The following FBXO17 variants were observed in gnomAD, a reference collection of about 807,000 sequenced individuals.
FBXO17 encodes the protein F-box only protein 17.
FBXO17 carries 43 observed loss-of-function variants against 34.1 expected under a neutral mutation model. The ratio of observed to expected loss-of-function variants is 1.26; its 90% CI spans 0.99 to 1.62. The LOEUF is 1.62. Ranked by LOEUF, FBXO17 falls within the 40% of genes most tolerant of loss-of-function variation. The pLI is 0.00. For missense variants in FBXO17, 424 were observed against 386.7 expected, an observed-to-expected ratio of 1.10 and a Z score of -0.81; for synonymous variants, 169 against 166.0, an observed-to-expected ratio of 1.02 and a Z score of -0.14.
intron 1 of FBXO17, chr19:38,952,730 A>T (rs565143107): frequency 2.1e-6 from 1 of 483,274 alleles, no homozygotes; most frequent in South Asian, 1.5e-5. Flanking sequence ...CTGTTCCCTG[A>T]CCTCTCTCTA....
chr19:38,948,474 G>A, intron 3 of FBXO17, 93 bp downstream of exon 3: 1 of 865,576 alleles, frequency 1.2e-6, no homozygotes, highest in Non-Finnish European at 1.8e-6. Context: ...GAAGGAGAGG[G>A]TGAAGGTGAC....
intron 1 of FBXO17, among the ~76,000 whole-genome samples, chr19:38,961,409 G>A (rs1975248281): frequency 6.6e-6 from 1 of 151,284 alleles, no homozygotes; most frequent in Admixed American, 6.6e-5. Flanking sequence ...CCAAGTAGCT[G>A]AGATTACAAG....
intron 1 of FBXO17, among the ~76,000 whole-genome samples, chr19:38,953,601 C>A (rs1975118810): frequency 6.6e-6 from 1 of 152,028 alleles, no homozygotes; most frequent in African/African-American, 2.4e-5. Context: ...GCAGAGGTTG[C>A]AATGAGCTGA....
intron 1 of FBXO17, among the ~76,000 whole-genome samples, chr19:38,973,685 A>G (rs1004689966): frequency 1.3e-5 from 2 of 152,148 alleles, no homozygotes; most frequent in African/African-American, 2.4e-5. Context: ...TTTTAAAAAT[A>G]TATCTTTTTG....
Position 38,950,329 on chromosome 19 carries a change from CCA to C in FBXO17, c.-12_-11del. The C allele has an allele frequency of 2.1e-6, 3 of 1,420,330 alleles. No individual in the cohort carries two copies. Among genetic ancestry groups the C allele is most frequent in the African/African-American group, 1.5e-5 (1 of 66,790 alleles). The allele number at this position is 1,420,330 out of a possible 1,614,324, so 88.0% of individuals were successfully genotyped here. A position where few individuals can be genotyped will look rare whatever the true frequency, so the allele number is the denominator to read the frequency against. On this transcript the variant is annotated 5_prime_UTR_variant, in exon 2 of 6. Coordinates refer to ENST00000292852, the MANE Select transcript of FBXO17 (RefSeq NM_024907.7). ...ATAGCCGGGCGCCCATCTCCAGTAG[CCA>C]GAGTCCTGCAGGTCGAGAGGGGTCG...
rs386809131 is a variant in FBXO17 at position 38,962,324 on chromosome 19, TG to T, written c.-17-11989del. Among the ~76,000 whole-genome samples the T allele has an allele frequency of 2.6e-3, 400 of 152,324 alleles. 4 individuals carry two copies. The highest frequency in any genetic ancestry group is 9.1e-3 in the African/African-American group (380 of 41,570). On this transcript the variant is annotated intron_variant, in intron 1 of 5. Coordinates refer to ENST00000292852, the MANE Select transcript of FBXO17 (RefSeq NM_024907.7). ...AGAGACGTTGTAGGAGGAAAGGGTT[TG>T]GCTTCCAGTTTCCAGACTTGGCTCC...
chr19:38,950,427 C>A, intron 1 of FBXO17, 91 bp from the exon 2 acceptor site: 1 of 1,373,476 alleles, frequency 7.3e-7, no homozygotes, highest in South Asian at 1.7e-5. Flanking sequence ...CCCTGCTGCT[C>A]GAGAGACCCC....
chr19:38,944,810 G>C (rs576595478), intron 5 of FBXO17, 159 bp downstream of exon 5: 1 of 1,011,920 alleles, frequency 9.9e-7, no homozygotes, highest in African/African-American at 1.6e-5. Flanking sequence ...ATATGTAAGC[G>C]TCTTGACACA....
chr19:38,965,296 A>G (rs949473870), intron 1 of FBXO17, among the ~76,000 whole-genome samples: 6 of 151,566 alleles, frequency 4.0e-5, no homozygotes, highest in Non-Finnish European at 7.4e-5. Flanking sequence ...CCTCTTTTCA[A>G]TGCTCCACTG....
At chr19:38,970,791 G>A (rs1038633701) in intron 1 of FBXO17, among the ~76,000 whole-genome samples, 13 of 152,026 alleles carry the variant, frequency 8.6e-5, no homozygotes, top group African/African-American at 2.4e-4. Context: ...AATGGGCTCC[G>A]TATGACTTGC....
At chr19:38,948,009 C>CTTT (rs766305274) in intron 3 of FBXO17, among the ~76,000 whole-genome samples, 19 of 137,850 alleles carry the variant, frequency 1.4e-4, no homozygotes, top group South Asian at 4.7e-4. Context: ...GCCATGTTCC[C>CTTT]TTTTTTTTTT....
At position 38,944,973 on chromosome 19, in the gene FBXO17, C is replaced by A. The variant is rs201303522; in HGVS notation, c.689G>T (p.Arg230Leu). 1 of 1,614,102 alleles carries A rather than the reference C, an allele frequency of 6.2e-7. No homozygotes were observed. The highest frequency in any genetic ancestry group is 8.5e-7 in the Non-Finnish European group (1 of 1,180,018). ...TGGAAGCTAGTCTGGACCCACCTGT[C>A]GGCAGCCCCTCTCAGTCCACTGAAG... The part of the protein sequence containing the change: ...PVLQWTERGC[R>L]QVSHVFTNFG... The change falls in exon 5 of 6, where the codon CGA becomes CTA. Residue 230 changes from arginine to leucine, a missense_variant. Coordinates refer to ENST00000292852, the MANE Select transcript of FBXO17 (RefSeq NM_024907.7).
chr19:38,960,253 T>C lies in FBXO17; in HGVS notation c.-17-9917A>G, dbSNP rs140209795. Among the ~76,000 whole-genome samples, 10 of 151,428 alleles carry C rather than the reference T, an allele frequency of 6.6e-5. No individual in the cohort carries two copies. In the East Asian group the frequency reaches 1.6e-3, roughly 24 times the overall value. On this transcript the variant is annotated intron_variant, in intron 1 of 5. Transcript: ENST00000292852. ...GTTTGTTTTTGGTCTGTCCAGAGTA[T>C]AATTTTGCCAGAGTATATTTATAAT...
chr19:38,943,914 A>T (rs910288819), intron 5 of FBXO17, among the ~76,000 whole-genome samples: 1 of 152,074 alleles, frequency 6.6e-6, no homozygotes, highest in South Asian at 2.1e-4. Context: ...TAAAGTGTAC[A>T]ATTCAGTGGT....
At position 38,944,933 on chromosome 19, in the gene FBXO17, C is replaced by T. The variant is rs374722958; in HGVS notation, c.693+36G>A. 248 of 1,610,418 alleles carry T rather than the reference C, an allele frequency of 1.5e-4. 1 individual carries two copies. The African/African-American group carries it at 2.9e-3, about 19-fold the overall frequency. ...AGAGGCTGGGCGTGTGTGCCTTTAG[C>T]GGGTCGGGGGGAGCTGGAAGCTAGT... On this transcript the variant is annotated intron_variant, in intron 5 of 5. Coordinates refer to ENST00000292852, the MANE Select transcript of FBXO17 (RefSeq NM_024907.7).
chr19:38,969,948 C>T (rs1568446767), intron 1 of FBXO17, among the ~76,000 whole-genome samples: 1 of 151,844 alleles, frequency 6.6e-6, no homozygotes, highest in Non-Finnish European at 1.5e-5. Flanking sequence ...TGCCCCATGA[C>T]CCAGCAACTC....
chr19:38,967,695 G>C (rs769227019), intron 1 of FBXO17, among the ~76,000 whole-genome samples: 1 of 151,788 alleles, frequency 6.6e-6, no homozygotes, highest in Non-Finnish European at 1.5e-5. Flanking sequence ...CTCCCAAGTA[G>C]CTGGGACTAC....
chr19:38,957,133 G>T (rs571284708), intron 1 of FBXO17, among the ~76,000 whole-genome samples: 1 of 151,974 alleles, frequency 6.6e-6, no homozygotes, highest in East Asian at 1.9e-4. Flanking sequence ...GAGGCCCGGC[G>T]CTTGAACCCG....
Position 38,945,026 on chromosome 19 carries a change from G to A in FBXO17, c.636C>T (p.Val212=), listed in dbSNP as rs1974952799. The A allele has an allele frequency of 6.2e-7, 1 of 1,614,216 alleles. No homozygotes were observed. The highest frequency in any genetic ancestry group is 1.3e-5 in the African/African-American group (1 of 75,060). The change falls in exon 5 of 6, where the codon GTC becomes GTT. Residue 212 remains valine (V), a synonymous_variant. Transcript: ENST00000292852. ...RLLDVYEKEV[V]KFSASPDPVL... ...CCGGGTCAGGTGAGGCTGAGAACTT[G>A]ACCACTTCCTTTTCATACACATCCA...
Sources: gnomAD v4.1 joint callset for allele counts (sites outside exome capture counted in the v4.1 genomes callset) on GRCh38, gnomAD v4.1.1 for gene constraint, MANE v1.5 for transcripts, NCBI Gene and HGNC (gene_info 2026-07-23, HGNC 2026-07-21) for gene names.